ZNF717: variants seen among roughly 807,000 people sequenced by gnomAD.
The protein encoded by ZNF717 is krueppel-like factor X17.
ZNF717 carries 9 observed loss-of-function variants against 13.8 expected under a neutral mutation model. The ratio of observed to expected loss-of-function variants is 0.65; its 90% CI spans 0.39 to 1.14. The LOEUF (loss-of-function observed/expected upper bound fraction) is 1.14. ZNF717 is among the 50% of genes most tolerant of loss of function. The pLI is 0.01. For synonymous variants in ZNF717, 327 were observed against 364.1 expected (o/e 0.90, Z 1.16); for missense variants, 1,040 against 1,080.7 (o/e 0.96, Z 0.53).
intron 1 of ZNF717, among the ~76,000 whole-genome samples, chr3:75,784,180 A>C (rs1429453414): frequency 1.3e-5 from 2 of 152,192 alleles, no homozygotes; most frequent in East Asian, 3.9e-4. Flanking sequence ...CAGTCAACCC[A>C]CCATGTGACC....
intron 2 of ZNF717, among the ~76,000 whole-genome samples, chr3:75,770,909 C>A (rs937940082): frequency 1.3e-5 from 2 of 152,108 alleles, no homozygotes; most frequent in Admixed American, 6.5e-5. Context: ...CAGGGACCAA[C>A]AGAACATTTG....
At chr3:75,722,731 T>G (rs1938193625) in intron 4 of ZNF717, among the ~76,000 whole-genome samples, 6 of 141,956 alleles carry the variant, frequency 4.2e-5, no homozygotes, top group Non-Finnish European at 3.0e-5. Flanking sequence ...GGAGAATCGC[T>G]TGAACCCAGG....
At chr3:75,772,183 C>T (rs201332216) in intron 2 of ZNF717, among the ~76,000 whole-genome samples, 2 of 151,670 alleles carry the variant, frequency 1.3e-5, no homozygotes, top group African/African-American at 4.9e-5. Flanking sequence ...TTGGGATGAC[C>T]TGACTGCAGA....
chr3:75,730,598 A>G, exon 6 of ZNF717: 3 of 701,718 alleles, frequency 4.3e-6, no homozygotes, highest in Non-Finnish European at 7.8e-6. Context: ...ACAGTTCCAG[A>G]GTTCACAAGA....
chr3:75,720,767 G>C (rs1575721709), intron 4 of ZNF717, among the ~76,000 whole-genome samples: 1 of 152,322 alleles, frequency 6.6e-6, no homozygotes, highest in South Asian at 2.1e-4. Context: ...AGGATCACTT[G>C]AGGCCAGGAG....
chr3:75,734,815 A>ATTTTTTTTTTTTTTTT (rs1469622349), downstream of ZNF717, among the ~76,000 whole-genome samples: 1 of 43,256 alleles, frequency 2.3e-5, no homozygotes, highest in Admixed American at 3.2e-4. Flanking sequence ...ATATATATAT[A>ATTTTTTTTTTTTTTTT]TATTTTTTTT....
intron 6 of ZNF717, among the ~76,000 whole-genome samples, chr3:75,694,958 A>G (rs1225940130): frequency 6.6e-6 from 1 of 152,146 alleles, no homozygotes; most frequent in African/African-American, 2.4e-5. Context: ...CAGAAAACAA[A>G]TAACAAAATG....
intron 6 of ZNF717, among the ~76,000 whole-genome samples, chr3:75,704,104 C>T (rs1175690925): frequency 6.6e-6 from 1 of 152,312 alleles, no homozygotes; most frequent in African/African-American, 2.4e-5. Flanking sequence ...AGTACATCTG[C>T]ACCTTCCAAG....
At chr3:75,742,994 C>T (rs3008982) in intron 2 of ZNF717, among the ~76,000 whole-genome samples, 55,286 of 145,534 alleles carry the variant, frequency 0.38, 6,663 homozygotes, top group South Asian at 0.54. Flanking sequence ...TACACAGAAA[C>T]CTGATATTGG....
chr3:75,734,558 G>A (rs1315656010), downstream of ZNF717, among the ~76,000 whole-genome samples: 6 of 150,396 alleles, frequency 4.0e-5, no homozygotes, highest in African/African-American at 1.5e-4. Flanking sequence ...TCAGCCTCCC[G>A]AGTAGCTGGG....
downstream of ZNF717, among the ~76,000 whole-genome samples, chr3:75,706,891 C>G (rs1937813299): frequency 6.6e-6 from 1 of 152,308 alleles, no homozygotes; most frequent in African/African-American, 2.4e-5. Context: ...ATCATATCTT[C>G]TAAGTTGTCC....
intron 2 of ZNF717, among the ~76,000 whole-genome samples, chr3:75,745,176 C>A (rs1473750042): frequency 3.6e-5 from 5 of 140,654 alleles, no homozygotes; most frequent in Non-Finnish European, 6.2e-5. Flanking sequence ...TTCTTTCTGT[C>A]TTTTTAAAAT....
downstream of ZNF717, among the ~76,000 whole-genome samples, chr3:75,733,559 A>G (rs1462012831): frequency 1.3e-5 from 2 of 152,066 alleles, no homozygotes; most frequent in Non-Finnish European, 2.9e-5. Context: ...TGGGTGGATC[A>G]TGAGGTCAGG....
chr3:75,710,323 T>G (rs1467077331), exon 6 of ZNF717: 1 of 152,228 alleles, frequency 6.6e-6, no homozygotes, highest in Non-Finnish European at 1.5e-5. Flanking sequence ...TCTTCTTCTT[T>G]TGTGTCTATA....
At chr3:75,779,766 A>G (rs1294300085) in intron 2 of ZNF717, among the ~76,000 whole-genome samples, 1 of 151,230 alleles carries the variant, frequency 6.6e-6, no homozygotes, top group Non-Finnish European at 1.5e-5. Context: ...CCAGAAACCC[A>G]AAACAATGGG....
chr3:75,728,014 A>ATTG (rs1938324679), downstream of ZNF717, among the ~76,000 whole-genome samples: 2 of 150,674 alleles, frequency 1.3e-5, no homozygotes, highest in African/African-American at 4.9e-5. Context: ...TGGTTCCCCC[A>ATTG]ATAAAACCTC....
intron 5 of ZNF717, among the ~76,000 whole-genome samples, chr3:75,712,150 GC>G (rs1937952179): frequency 6.7e-6 from 1 of 150,364 alleles, no homozygotes; most frequent in South Asian, 2.1e-4. Flanking sequence ...CCTCAGCCAA[GC>G]ACAATGTTAT....
At chr3:75,764,990 G>GATATATAT (rs71101852) in intron 2 of ZNF717, among the ~76,000 whole-genome samples, 252 of 102,132 alleles carry the variant, frequency 2.5e-3, no homozygotes, top group African/African-American at 4.9e-3. Context: ...TAAACAAAAG[G>GATATATAT]ATATATATAT....
chr3:75,771,693 T>TGGTGGGAGCCAGGAACG (rs1179156841), intron 2 of ZNF717, among the ~76,000 whole-genome samples: 4 of 152,198 alleles, frequency 2.6e-5, no homozygotes, highest in African/African-American at 7.2e-5. Context: ...TCCTCGAAGC[T>TGGTGGGAGCCAGGAACG]GGTGGGAGCC....
Sources: allele counts gnomAD v4.1 joint callset (sites outside exome capture counted in the v4.1 genomes callset), GRCh38; gene constraint gnomAD v4.1.1; transcripts MANE v1.5; gene names NCBI Gene and HGNC (gene_info 2026-07-23, HGNC 2026-07-21).